Variants in KCNH5 observed in about 807,000 individuals in gnomAD.
KCNH5 encodes the protein voltage-gated delayed rectifier potassium channel KCNH5.
A neutral mutation model predicts 96.1 loss-of-function variants in KCNH5; 46 were observed. That is an observed-to-expected ratio of 0.48 (90% CI 0.38 to 0.61). KCNH5 has a LOEUF of 0.61. Among genes scored for constraint, KCNH5 ranks in the 20% least tolerant of loss-of-function variants. The pLI is 0.00. For synonymous variants in KCNH5, 439 were observed against 449.8 expected, an observed-to-expected ratio of 0.98 and a Z score of 0.30; for missense variants, 907 against 1,225.8, an observed-to-expected ratio of 0.74 and a Z score of 3.88.
At chr14:62,740,243 G>A (rs534865093) in intron 10 of KCNH5, among the ~76,000 whole-genome samples, 1 of 152,180 alleles carries the variant, frequency 6.6e-6, no homozygotes, top group East Asian at 1.9e-4. Flanking sequence ...TATTTGTGAG[G>A]GTATATTTGA....
intron 10 of KCNH5, among the ~76,000 whole-genome samples, chr14:62,777,658 G>A (rs1862554841): frequency 6.6e-6 from 1 of 152,186 alleles, no homozygotes; most frequent in African/African-American, 2.4e-5. Flanking sequence ...AGTTATAACA[G>A]GAAACAGGTT....
Position 62,849,713 on chromosome 14 carries a change from C to T in KCNH5, c.1509G>A (p.Glu503=), listed in dbSNP as rs760522356. The T allele has an allele frequency of 1.9e-6, 3 of 1,613,908 alleles. No individual in the cohort carries two copies. The highest frequency in any genetic ancestry group is 2.5e-6 in the Non-Finnish European group (3 of 1,179,864). The change falls in exon 8 of 11, where the codon GAG becomes GAA. Residue 503 remains glutamate (E), a synonymous_variant. Coordinates refer to ENST00000322893, the MANE Select transcript of KCNH5 (RefSeq NM_139318.5). ...TTGAGACAATATAATCCATGACTCG[C>T]TCACTAAGGCCTTTTGGGACCTGAT... ...KLYQVPKGLS[E]RVMDYIVSTW...
chr14:63,000,554 C>G (rs1309520706), intron 4 of KCNH5, among the ~76,000 whole-genome samples: 1 of 152,110 alleles, frequency 6.6e-6, no homozygotes, highest in Non-Finnish European at 1.5e-5. Flanking sequence ...ATTATTCTTT[C>G]CATAATCTAG....
At chr14:62,791,294 A>G (rs890364460) in intron 9 of KCNH5, among the ~76,000 whole-genome samples, 7 of 151,776 alleles carry the variant, frequency 4.6e-5, no homozygotes, top group African/African-American at 1.7e-4. Context: ...ATGAAGGTTA[A>G]AAGTCAAAAT....
intron 6 of KCNH5, among the ~76,000 whole-genome samples, chr14:62,971,625 A>G (rs143898609): frequency 0.01 from 1,513 of 150,010 alleles, 19 homozygotes; most frequent in Non-Finnish European, 0.015. Context: ...AAGTATAGCA[A>G]TAAAGAGAGT....
intron 10 of KCNH5, among the ~76,000 whole-genome samples, chr14:62,767,488 C>T (rs1885885982): frequency 6.6e-6 from 1 of 152,208 alleles, no homozygotes; most frequent in African/African-American, 2.4e-5. Context: ...GAATACTACA[C>T]AGCCATAAAA....
At chr14:62,870,626 A>T (rs895193298) in intron 7 of KCNH5, among the ~76,000 whole-genome samples, 4 of 152,208 alleles carry the variant, frequency 2.6e-5, no homozygotes, top group African/African-American at 9.6e-5. Flanking sequence ...CAAGGCAGTG[A>T]GTATCTTTTA....
At chr14:62,888,843 C>T (rs1156569077) in intron 7 of KCNH5, among the ~76,000 whole-genome samples, 1 of 152,154 alleles carries the variant, frequency 6.6e-6, no homozygotes, top group Non-Finnish European at 1.5e-5. Flanking sequence ...AGGTCACTGA[C>T]CCCAACCCAA....
chr14:63,005,144 T>C (rs1891101402), intron 3 of KCNH5, among the ~76,000 whole-genome samples: 1 of 152,204 alleles, frequency 6.6e-6, no homozygotes, highest in Non-Finnish European at 1.5e-5. Flanking sequence ...AAGGGATTGT[T>C]TTCTAGGTGA....
rs762616538 is a variant in KCNH5 at position 62,950,312 on chromosome 14, C to T, written c.1190G>A (p.Gly397Glu). Residue 397 changes from glycine (G) to glutamate (E), a missense_variant, in exon 7 of 11, where the codon GGG becomes GAG. This residue lies in a region of KCNH5 where 370 missense variants were observed against 561.3 expected (regional missense o/e 0.66). Transcript: ENST00000322893. ...SWLYQLALSIGTPYRYNTSAG... is the reference protein window; with the variant it reads ...SWLYQLALSIETPYRYNTSAG... The stretch of plus-strand genomic sequence containing the variant: ...ACTGGTATTGTAGCGATATGGAGTC[C>T]CAATGCTCAAAGCCAGCTGGTAGAG... 6.2e-7 allele frequency: 1 copy of T among 1,613,954 alleles called. No individual in the cohort carries two copies. Among genetic ancestry groups the T allele is most frequent in the Non-Finnish European group, 8.5e-7 (1 of 1,179,946 alleles).
chr14:63,036,259 G>T (rs1303852140), intron 1 of KCNH5, among the ~76,000 whole-genome samples: 1 of 152,128 alleles, frequency 6.6e-6, no homozygotes, highest in Non-Finnish European at 1.5e-5. Flanking sequence ...AGAGACACTG[G>T]CTGTATATGA....
rs761472576 is a variant in KCNH5, at chr14:62,707,646, C to T, written c.2829G>A (p.Ser943=). 2.2e-5 allele frequency: 35 copies of T among 1,582,518 alleles called. No individual in the cohort carries two copies. The highest frequency in any genetic ancestry group is 4.5e-5 in the East Asian group (2 of 44,290). Residue 943 remains serine, a synonymous_variant, in exon 11 of 11, where the codon TCG becomes TCA. Coordinates refer to ENST00000322893, the MANE Select transcript of KCNH5 (RefSeq NM_139318.5). ...ATGAGGCCTGGGGTACGCTTTTTTCCGACAGTATTTTTAAAATTTCTGCCA... is the reference window on the plus strand; with the variant it reads ...ATGAGGCCTGGGGTACGCTTTTTTCTGACAGTATTTTTAAAATTTCTGCCA... ...KQVAEILKIL[S]EKSVPQASSP... is the part of the protein sequence containing the mutation.
At chr14:62,979,472 T>A (rs953042537) in intron 6 of KCNH5, among the ~76,000 whole-genome samples, 1 of 151,992 alleles carries the variant, frequency 6.6e-6, no homozygotes, top group African/African-American at 2.4e-5. Context: ...AACGTAAATA[T>A]TTTATAGAAA....
intron 10 of KCNH5, among the ~76,000 whole-genome samples, chr14:62,773,094 C>T (rs935889526): frequency 1.3e-5 from 2 of 152,208 alleles, no homozygotes; most frequent in African/African-American, 4.8e-5. Flanking sequence ...ATTTTACTGA[C>T]AATCTTCTTC....
chr14:62,875,841 A>C (rs118111693), intron 7 of KCNH5, among the ~76,000 whole-genome samples: 2,072 of 152,076 alleles, frequency 0.014, 27 homozygotes, highest in Non-Finnish European at 0.017. Flanking sequence ...GAAATTGTCA[A>C]TGTTACGTTG....
At chr14:63,012,995 G>A (rs1221402969) in intron 2 of KCNH5, among the ~76,000 whole-genome samples, 1 of 132,854 alleles carries the variant, frequency 7.5e-6, no homozygotes, top group Non-Finnish European at 1.6e-5. Flanking sequence ...AGAAATAAAA[G>A]GAAAAAAATA....
At chr14:62,822,399 G>A (rs1266721456) in intron 8 of KCNH5, among the ~76,000 whole-genome samples, 1 of 152,130 alleles carries the variant, frequency 6.6e-6, no homozygotes, top group African/African-American at 2.4e-5. Context: ...AAGACAGCGT[G>A]ATGTTGGCAG....
At chr14:63,005,628 A>C (rs1317406513) in intron 3 of KCNH5, among the ~76,000 whole-genome samples, 1 of 152,250 alleles carries the variant, frequency 6.6e-6, no homozygotes, top group Non-Finnish European at 1.5e-5. Context: ...AGGAAACAGC[A>C]AAAAGATAAA....
At chr14:62,849,504 T>C in intron 8 of KCNH5, 149 bp downstream of exon 8, 1 of 633,528 alleles carries the variant, frequency 1.6e-6, no homozygotes, top group East Asian at 2.8e-5. Flanking sequence ...AAGCACTTAA[T>C]AAATATGACT....
Sources: allele counts gnomAD v4.1 joint callset (sites outside exome capture counted in the v4.1 genomes callset), GRCh38; gene constraint gnomAD v4.1.1; regional missense constraint gnomAD v4.1.1; transcripts MANE v1.5; gene names NCBI Gene and HGNC (gene_info 2026-07-23, HGNC 2026-07-21).